Variants in OTOG observed in about 807,000 individuals in gnomAD.
The protein encoded by OTOG is otogelin.
Under a neutral mutation model 313.8 loss-of-function variants are expected in OTOG, and 296 were observed. The observed-to-expected ratio is 0.94, with a 90% CI of 0.86 to 1.04. The LOEUF is 1.04. Ranked by LOEUF, OTOG falls within the 50% of genes least tolerant of loss-of-function variation. OTOG has a pLI of 0.00. For synonymous variants in OTOG, 1,533 were observed against 1,554.9 expected (o/e 0.99, Z 0.33); for missense variants, 3,948 against 3,840.1 (o/e 1.03, Z -0.74).
At chr11:17,584,517 G>T (rs1256591284) in intron 23 of OTOG, among the ~76,000 whole-genome samples, 3 of 151,020 alleles carry the variant, frequency 2.0e-5, no homozygotes, top group Non-Finnish European at 4.4e-5. Context: ...AATGGGTATT[G>T]AATTGTCATT....
Position 17,570,327 on chromosome 11 carries a change from G to T in OTOG, c.1892G>T (p.Arg631Leu). 1 of 1,550,724 alleles carries T rather than the reference G, an allele frequency of 6.4e-7. No homozygotes were observed. Among genetic ancestry groups the T allele is most frequent in the Non-Finnish European group, 8.7e-7 (1 of 1,147,024 alleles). ...CGACTGTACCTGCAAGTGGACCAGC[G>T]ATGGGTGGAGGATACCGTGGGCCTC... The part of the protein sequence containing the change: ...GLRLYLQVDQ[R>L]WVEDTVGLCG... The change falls in exon 17 of 56, where the codon CGA becomes CTA. Residue 631 changes from arginine (R) to leucine (L), a missense_variant. Physicochemically the swap from Arg to Leu is moderately radical, Grantham distance 102 (BLOSUM62 -2). Coordinates refer to ENST00000399397, the MANE Select transcript of OTOG (RefSeq NM_001292063.2).
chr11:17,597,287 C>A (rs1853135316), intron 30 of OTOG, among the ~76,000 whole-genome samples: 1 of 152,184 alleles, frequency 6.6e-6, no homozygotes, highest in Admixed American at 6.5e-5. Context: ...GAGTCCAATG[C>A]GAACCCGAGC....
At chr11:17,594,759 G>C (rs562743135) in intron 28 of OTOG, among the ~76,000 whole-genome samples, 1 of 152,208 alleles carries the variant, frequency 6.6e-6, no homozygotes, top group Non-Finnish European at 1.5e-5. Flanking sequence ...AGTAGACCTG[G>C]GTTCTTGTCT....
At chr11:17,635,776 C>G in intron 47 of OTOG, 65 bp downstream of exon 47, 6 of 1,328,902 alleles carry the variant, frequency 4.5e-6, no homozygotes, top group Non-Finnish European at 6.3e-6. Context: ...GTTCCCACCC[C>G]GGACCAATGG....
At chr11:17,598,865 T>C (rs547505035) in intron 30 of OTOG, among the ~76,000 whole-genome samples, 1 of 152,380 alleles carries the variant, frequency 6.6e-6, no homozygotes, top group South Asian at 2.1e-4. Context: ...GCCTGTCTCC[T>C]GACTCCTAGT....
rs113417891 is a variant in OTOG at position 17,610,828 on chromosome 11, A to C, written c.5528A>C (p.Gln1843Pro). 5 of 1,550,906 alleles carry C rather than the reference A, an allele frequency of 3.2e-6. No individual in the cohort carries two copies. The African/African-American group carries it at 5.5e-5, about 17-fold the overall frequency. ...CCACAGGCCACGACTCTGCCTGCTC[A>C]GACACTTAGCCCAGTACTGCCTTTC... is the stretch of plus-strand genomic sequence containing the variant. The part of the protein sequence containing the change: ...LQPQATTLPA[Q>P]TLSPVLPFTP... Residue 1843 changes from glutamine to proline, a missense_variant, in exon 36 of 56, where the codon CAG becomes CCG. By Grantham distance (76) the Gln-to-Pro change is moderately conservative. Transcript: ENST00000399397.
chr11:17,562,278 CA>C (rs1381739012), intron 15 of OTOG, among the ~76,000 whole-genome samples: 1 of 145,876 alleles, frequency 6.9e-6, no homozygotes, highest in African/African-American at 2.5e-5. Context: ...TGGCTATCTA[CA>C]AAAAGTTAGT....
Position 17,610,477 on chromosome 11 carries a change from G to A in OTOG, c.5177G>A (p.Gly1726Asp), listed in dbSNP as rs1853503145. The A allele has an allele frequency of 6.4e-7, 1 of 1,550,456 alleles. No individual in the cohort carries two copies. The highest frequency in any genetic ancestry group is 1.4e-5 in the African/African-American group (1 of 73,038). The change falls in exon 36 of 56, where the codon GGC (glycine) becomes GAC (aspartate). Residue 1726 changes from glycine (G) to aspartate (D), a missense_variant. Transcript: ENST00000399397. The stretch of plus-strand genomic sequence containing the variant: ...GAGATAGTGCTATCCACAGAGAAGG[G>A]CGAAGCCGGGCACAGCCAGCCCATG... Reference protein sequence around the residue: ...SLEIVLSTEKGEAGHSQPMGS... With the variant: ...SLEIVLSTEKDEAGHSQPMGS...
chr11:17,597,611 C>T (rs1590030398), intron 30 of OTOG, among the ~76,000 whole-genome samples: 1 of 151,846 alleles, frequency 6.6e-6, no homozygotes, highest in African/African-American at 2.4e-5. Context: ...CATACATATG[C>T]GTACATAGAT....
chr11:17,606,016 T>A lies in OTOG; in HGVS notation c.4037T>A (p.Val1346Glu). The A allele has an allele frequency of 6.4e-7, 1 of 1,550,550 alleles. No individual in the cohort carries two copies. The highest frequency in any genetic ancestry group is 1.4e-5 in the African/African-American group (1 of 73,178). ...LHRGTRQAGL[V>E]ALESLAKPSS... Reference sequence around the variant, plus strand: ...CGGGGGACACGGCAGGCAGGCCTGGTGGCCCTGGAGTCCCTGGCCAAGCCC... The same window carrying A: ...CGGGGGACACGGCAGGCAGGCCTGGAGGCCCTGGAGTCCCTGGCCAAGCCC... The change falls in exon 33 of 56, where the codon GTG becomes GAG. Residue 1346 changes from valine to glutamate, a missense_variant. Physicochemically the swap from Val to Glu is moderately radical, Grantham distance 121. Transcript: ENST00000399397.
chr11:17,563,853 G>GTTTTTTTT (rs1565094488), intron 15 of OTOG, among the ~76,000 whole-genome samples: 7 of 133,404 alleles, frequency 5.2e-5, no homozygotes, highest in African/African-American at 2.2e-4. Flanking sequence ...GCTAGTTTTT[G>GTTTTTTTT]GTTTTTTTTT....
At chr11:17,573,787 G>A (rs1339497819) in intron 19 of OTOG, among the ~76,000 whole-genome samples, 1 of 152,200 alleles carries the variant, frequency 6.6e-6, no homozygotes, top group African/African-American at 2.4e-5. Context: ...CTCTCAGTAA[G>A]CTTTTAGCAA....
intron 36 of OTOG, 99 bp downstream of exon 36, chr11:17,611,522 C>T: frequency 2.5e-6 from 3 of 1,198,428 alleles, no homozygotes; most frequent in Non-Finnish European, 2.3e-6. Flanking sequence ...ATCCTCATAC[C>T]TGCCCCATGC....
At chr11:17,642,792 T>C (rs1019885631) in intron 53 of OTOG, among the ~76,000 whole-genome samples, 1 of 152,164 alleles carries the variant, frequency 6.6e-6, no homozygotes, top group Admixed American at 6.5e-5. Flanking sequence ...TAGTGGACAT[T>C]TGAAGATTTC....
chr11:17,615,226 T>C (rs968897260), intron 39 of OTOG, among the ~76,000 whole-genome samples: 2 of 152,274 alleles, frequency 1.3e-5, no homozygotes, highest in Non-Finnish European at 2.9e-5. Flanking sequence ...CTATTGAGTT[T>C]TGAGAACTTT....
chr11:17,576,638 C>T lies in OTOG; in HGVS notation c.2561+8C>T, dbSNP rs1409560109. 6.5e-7 allele frequency: 1 copy of T among 1,545,396 alleles called. No homozygotes were observed. Among genetic ancestry groups the T allele is most frequent in the East Asian group, 2.4e-5 (1 of 40,882 alleles). On this transcript the variant is annotated splice_region_variant and intron_variant, in intron 21 of 55. Coordinates refer to ENST00000399397, the MANE Select transcript of OTOG (RefSeq NM_001292063.2). ...CCCATCCCTGGGCCACTGGTGAGCT[C>T]CGTAGGTAGCAGCCTTCTTGTCCTC... is the stretch of plus-strand genomic sequence containing the variant.
At chr11:17,569,135 T>C (rs1462279275) in intron 15 of OTOG, 21 bp from the exon 16 acceptor site, 4 of 1,550,394 alleles carry the variant, frequency 2.6e-6, no homozygotes, top group African/African-American at 2.7e-5. Flanking sequence ...CACTGCCCCA[T>C]TGACCTTTCT....
intron 18 of OTOG, among the ~76,000 whole-genome samples, chr11:17,572,865 C>T (rs920445727): frequency 6.6e-6 from 1 of 152,162 alleles, no homozygotes; most frequent in African/African-American, 2.4e-5. Flanking sequence ...ATGTAAGCTC[C>T]AGGGATTTTT....
intron 40 of OTOG, among the ~76,000 whole-genome samples, chr11:17,629,984 CACACACAT>C (rs1160087571): frequency 1.3e-5 from 2 of 152,076 alleles, no homozygotes; most frequent in East Asian, 3.9e-4. Flanking sequence ...TACACACACA[CACACACAT>C]ACACACACAC....
Sources: allele counts gnomAD v4.1 joint callset (sites outside exome capture counted in the v4.1 genomes callset), GRCh38; gene constraint gnomAD v4.1.1; transcripts MANE v1.5; gene names NCBI Gene and HGNC (gene_info 2026-07-23, HGNC 2026-07-21).